KCNA10: variants seen among roughly 807,000 people sequenced by gnomAD.
KCNA10 encodes the protein potassium voltage-gated channel subfamily A member 10, also known as cyclic GMP gated potassium channel.
A neutral mutation model predicts 21.4 loss-of-function variants in KCNA10; 16 were observed. The ratio of observed to expected loss-of-function variants is 0.75; its 90% CI spans 0.51 to 1.14. The LOEUF (loss-of-function observed/expected upper bound fraction) is 1.14, where lower values mean the gene tolerates loss of function less well. Among genes scored for constraint, KCNA10 ranks in the 50% most tolerant of loss-of-function variants. The pLI is 0.00. For missense variants in KCNA10, 677 were observed against 649.1 expected (o/e 1.04, Z -0.47); for synonymous variants, 276 against 245.9 (o/e 1.12, Z -1.15).
Position 110,517,262 on chromosome 1 carries a change from G to T in KCNA10, c.1526C>A (p.Ser509Tyr). The change falls in exon 1 of 1, where the codon TCT becomes TAT. Residue 509 changes from serine (S) to tyrosine (Y), a missense_variant. Transcript: ENST00000369771. Reference sequence around the variant, plus strand: ...GAAGCCCTGGACTGATCATTTCCTAGACTTCTCTGTGGAACAGCCACCATT... The same window carrying T: ...GAAGCCCTGGACTGATCATTTCCTATACTTCTCTGTGGAACAGCCACCATT... ...KTNGGCSTEK[S>Y]RK The T allele has an allele frequency of 6.2e-7, 1 of 1,612,628 alleles. No individual in the cohort carries two copies. Among genetic ancestry groups the T allele is most frequent in the Non-Finnish European group, 8.5e-7 (1 of 1,178,758 alleles).
Position 110,518,213 on chromosome 1 carries a change from A to T in KCNA10, c.575T>A (p.Leu192Gln). The T allele has an allele frequency of 3.7e-6, 6 of 1,613,744 alleles. No homozygotes were observed. Among genetic ancestry groups the T allele is most frequent in the Non-Finnish European group, 5.1e-6 (6 of 1,179,976 alleles). ...ACGGTGGATGTCATTGGTGGGTAGC[A>T]GTGTTTCAGGGTCTTTGATGAAGCC... ...DEGFIKDPET[L>Q]LPTNDIHRQF... is the part of the protein sequence containing the mutation. Residue 192 changes from leucine (L) to glutamine (Q), a missense_variant, in exon 1 of 1, where the codon CTG becomes CAG. By Grantham distance (113) the Leu-to-Gln change is moderately radical. Coordinates refer to ENST00000369771, the MANE Select transcript of KCNA10 (RefSeq NM_005549.2).
chr1:110,518,300 G>C lies in KCNA10; in HGVS notation c.488C>G (p.Ala163Gly). The stretch of plus-strand genomic sequence containing the variant: ...CAGCTCATAGAAGGAGATTTCATCA[G>C]CAAAGATATCAATGGGAACATTGGC... Reference protein sequence around the residue: ...RPANVPIDIFADEISFYELGS... With the variant: ...RPANVPIDIFGDEISFYELGS... Residue 163 changes from alanine to glycine, a missense_variant, in exon 1 of 1, where the codon GCT becomes GGT. Transcript: ENST00000369771. The C allele has an allele frequency of 6.2e-7, 1 of 1,614,220 alleles. No individual in the cohort carries two copies. Among genetic ancestry groups the C allele is most frequent in the African/African-American group, 1.3e-5 (1 of 75,056 alleles).
In KCNA10 at chr1:110,517,977, A is replaced by G; in HGVS notation, c.811T>C (p.Phe271Leu). Residue 271 changes from phenylalanine to leucine, a missense_variant, in exon 1 of 1, where the codon TTC becomes CTC. By Grantham distance (22) the Phe-to-Leu change is conservative (BLOSUM62 0). Transcript: ENST00000369771. ...VLSQTMFTDPFFMVESTCIVW... is the reference protein window; with the variant it reads ...VLSQTMFTDPLFMVESTCIVW... Reference sequence around the variant, plus strand: ...ATGCAGGTAGACTCCACCATGAAGAAAGGGTCGGTGAACATGGTCTGGGAG... The same window carrying G: ...ATGCAGGTAGACTCCACCATGAAGAGAGGGTCGGTGAACATGGTCTGGGAG... 3.1e-6 allele frequency: 5 copies of G among 1,613,864 alleles called. No individual in the cohort carries two copies. Among genetic ancestry groups the G allele is most frequent in the Non-Finnish European group, 4.2e-6 (5 of 1,179,984 alleles).
In KCNA10 at chr1:110,517,767, T is replaced by G; in HGVS notation, c.1021A>C (p.Arg341=). Residue 341 remains arginine (R), a synonymous_variant, in exon 1 of 1, where the codon AGG becomes CGG. Coordinates refer to ENST00000369771, the MANE Select transcript of KCNA10 (RefSeq NM_005549.2). ...AAGACCCTCACCAGGCGGATGATCC[T>G]CAGGATGGCCAGGGACATGTTCTGT... is the stretch of plus-strand genomic sequence containing the variant. The part of the protein sequence containing the change: ...AQQNMSLAIL[R]IIRLVRVFRI... 1 of 1,614,104 alleles carries G rather than the reference T, an allele frequency of 6.2e-7. No individual in the cohort carries two copies. The highest frequency in any genetic ancestry group is 8.5e-7 in the Non-Finnish European group (1 of 1,180,024).
chr1:110,517,826 G>C lies in KCNA10; in HGVS notation c.962C>G (p.Thr321Arg). Residue 321 changes from threonine to arginine, a missense_variant, in exon 1 of 1, where the codon ACA becomes AGA. By Grantham distance (71) the Thr-to-Arg change is moderately conservative. Transcript: ENST00000369771. ...SIIPYFATLI[T>R]ELVQETEPSA... Reference sequence around the variant, plus strand: ...CGGCTCTGTCTCCTGGACTAGCTCTGTGATGAGAGTTGCAAAGTAGGGGAT... The same window carrying C: ...CGGCTCTGTCTCCTGGACTAGCTCTCTGATGAGAGTTGCAAAGTAGGGGAT... The C allele has an allele frequency of 1.2e-6, 2 of 1,614,166 alleles. No homozygotes were observed. Among genetic ancestry groups the C allele is most frequent in the African/African-American group, 2.7e-5 (2 of 75,046 alleles).
rs145189152 is a variant in KCNA10, at chr1:110,518,141, C to A, written c.647G>T (p.Arg216Leu). The A allele has an allele frequency of 1.9e-6, 3 of 1,613,608 alleles. No homozygotes were observed. The highest frequency in any genetic ancestry group is 2.5e-6 in the Non-Finnish European group (3 of 1,179,890). ...FEYPESSSAA[R>L]AVAVVSVLVV... ...CAACACCGAGACCACGGCCACAGCA[C>A]GGGCAGCGCTGGAACTTTCAGGGTA... Residue 216 changes from arginine (R) to leucine (L), a missense_variant, in exon 1 of 1, where the codon CGT becomes CTT. By Grantham distance (102) the Arg-to-Leu change is moderately radical. Transcript: ENST00000369771.
chr1:110,518,839 T>A lies in KCNA10; in HGVS notation c.-52A>T. 1.1e-5 allele frequency: 15 copies of A among 1,368,112 alleles called. No individual in the cohort carries two copies. Among genetic ancestry groups the A allele is most frequent in the Non-Finnish European group, 1.5e-5 (15 of 1,014,348 alleles). The allele number at this position is 1,368,112 out of a possible 1,614,324, so 84.7% of individuals were successfully genotyped here. On this transcript the variant is annotated 5_prime_UTR_variant, in exon 1 of 1. Transcript: ENST00000369771. ...AAGATCCTCAGCCTTCACTGCCTGC[T>A]GTGAGCTATGGAGAAGAAGAAGTTC...
rs1647264501 is a variant in KCNA10, at chr1:110,517,914, C to T, written c.874G>A (p.Val292Ile). 5 of 1,613,802 alleles carry T rather than the reference C, an allele frequency of 3.1e-6. No homozygotes were observed. Among genetic ancestry groups the T allele is most frequent in the South Asian group, 1.1e-5 (1 of 91,066 alleles). ...FTFELVLRFV[V>I]CPSKTDFFRN... ...AAGAAGTCAGTCTTGCTGGGGCAGA[C>T]CACGAACCGGAGCACCAGCTCGAAG... Residue 292 changes from valine (V) to isoleucine (I), a missense_variant, in exon 1 of 1, where the codon GTC becomes ATC. Transcript: ENST00000369771.
In KCNA10 at chr1:110,518,281, A is replaced by G; in HGVS notation, c.507T>C (p.Tyr169=). Residue 169 remains tyrosine, a synonymous_variant, in exon 1 of 1, where the codon TAT becomes TAC. Coordinates refer to ENST00000369771, the MANE Select transcript of KCNA10 (RefSeq NM_005549.2). ...GGTCCATGGCCTCACTACCCAGCTC[A>G]TAGAAGGAGATTTCATCAGCAAAGA... ...IDIFADEISF[Y]ELGSEAMDQF... is the part of the protein sequence containing the mutation. The G allele has an allele frequency of 6.2e-7, 1 of 1,614,210 alleles. No homozygotes were observed. The highest frequency in any genetic ancestry group is 8.5e-7 in the Non-Finnish European group (1 of 1,180,040).
Position 110,517,808 on chromosome 1 carries a change from G to C in KCNA10, c.980C>G (p.Thr327Arg). The C allele has an allele frequency of 6.2e-7, 1 of 1,614,146 alleles. No homozygotes were observed. The highest frequency in any genetic ancestry group is 1.3e-5 in the African/African-American group (1 of 75,026). ...CATGTTCTGTTGGGCACTCGGCTCTGTCTCCTGGACTAGCTCTGTGATGAG... is the reference window on the plus strand; with the variant it reads ...CATGTTCTGTTGGGCACTCGGCTCTCTCTCCTGGACTAGCTCTGTGATGAG... ...ATLITELVQETEPSAQQNMSL... is the reference protein window; with the variant it reads ...ATLITELVQEREPSAQQNMSL... The change falls in exon 1 of 1, where the codon ACA becomes AGA. Residue 327 changes from threonine to arginine, a missense_variant. Physicochemically the swap from Thr to Arg is moderately conservative, Grantham distance 71 (BLOSUM62 -1). Transcript: ENST00000369771.
Position 110,517,894 on chromosome 1 carries a change from G to C in KCNA10, c.894C>G (p.Asp298Glu). 6.2e-7 allele frequency: 1 copy of C among 1,614,070 alleles called. No individual in the cohort carries two copies. The highest frequency in any genetic ancestry group is 8.5e-7 in the Non-Finnish European group (1 of 1,180,022). Reference sequence around the variant, plus strand: ...TGATGTTCATGATGTTCCTGAAGAAGTCAGTCTTGCTGGGGCAGACCACGA... The same window carrying C: ...TGATGTTCATGATGTTCCTGAAGAACTCAGTCTTGCTGGGGCAGACCACGA... ...LRFVVCPSKT[D>E]FFRNIMNIID... The change falls in exon 1 of 1, where the codon GAC (aspartate) becomes GAG (glutamate). Residue 298 changes from aspartate (D) to glutamate (E), a missense_variant. Asp to Glu is a conservative substitution (Grantham distance 45, BLOSUM62 2). Coordinates refer to ENST00000369771, the MANE Select transcript of KCNA10 (RefSeq NM_005549.2).
Position 110,517,677 on chromosome 1 carries a change from A to G in KCNA10, c.1111T>C (p.Ser371Pro), listed in dbSNP as rs1415146665. Residue 371 changes from serine (S) to proline (P), a missense_variant, in exon 1 of 1, where the codon TCC becomes CCC. Ser to Pro is a moderately conservative substitution (Grantham distance 74). Coordinates refer to ENST00000369771, the MANE Select transcript of KCNA10 (RefSeq NM_005549.2). ...ATGAGCAACCCCAACTCCCGCATGG[A>G]CGCCTTCAGTGTTTGCCCGAGGATC... Reference protein sequence around the residue: ...LQILGQTLKASMRELGLLIFF... With the variant: ...LQILGQTLKAPMRELGLLIFF... 3 of 1,614,000 alleles carry G rather than the reference A, an allele frequency of 1.9e-6. No individual in the cohort carries two copies. Among genetic ancestry groups the G allele is most frequent in the Non-Finnish European group, 1.7e-6 (2 of 1,180,028 alleles).
Position 110,517,429 on chromosome 1 carries a change from C to T in KCNA10, c.1359G>A (p.Val453=). The change falls in exon 1 of 1, where the codon GTG becomes GTA. Residue 453 remains valine (V), a synonymous_variant. Coordinates refer to ENST00000369771, the MANE Select transcript of KCNA10 (RefSeq NM_005549.2). ...IAGVLTIALP[V]PVIVSNFNYF... is the part of the protein sequence containing the mutation. ...AATTGAAGTTGGAGACAATGACAGG[C>T]ACAGGGAGGGCAATGGTGAGGACCC... 1 of 1,614,184 alleles carries T rather than the reference C, an allele frequency of 6.2e-7. No individual in the cohort carries two copies. The highest frequency in any genetic ancestry group is 2.2e-5 in the East Asian group (1 of 44,876).
chr1:110,517,948 C>T lies in KCNA10; in HGVS notation c.840G>A (p.Val280=). The part of the protein sequence containing the change: ...PFFMVESTCI[V]WFTFELVLRF... ...GGAGCACCAGCTCGAAGGTGAACCA[C>T]ACGATGCAGGTAGACTCCACCATGA... Residue 280 remains valine (V), a synonymous_variant, in exon 1 of 1, where the codon GTG becomes GTA. Coordinates refer to ENST00000369771, the MANE Select transcript of KCNA10 (RefSeq NM_005549.2). 3 of 1,613,822 alleles carry T rather than the reference C, an allele frequency of 1.9e-6. No homozygotes were observed. Among genetic ancestry groups the T allele is most frequent in the Non-Finnish European group, 2.5e-6 (3 of 1,180,024 alleles).
chr1:110,518,848 T>C lies in KCNA10; in HGVS notation c.-61A>G. 3 of 1,361,022 alleles carry C rather than the reference T, an allele frequency of 2.2e-6. No homozygotes were observed. The highest frequency in any genetic ancestry group is 2.8e-5 in the Admixed American group (1 of 35,766). 84.3% of individuals were successfully genotyped at this position (1,361,022 alleles called of 1,614,324 possible). The stretch of plus-strand genomic sequence containing the variant: ...AGCCTTCACTGCCTGCTGTGAGCTA[T>C]GGAGAAGAAGAAGTTCATTATACAA... On this transcript the variant is annotated 5_prime_UTR_variant, in exon 1 of 1. Coordinates refer to ENST00000369771, the MANE Select transcript of KCNA10 (RefSeq NM_005549.2).
In KCNA10 at chr1:110,518,044, C is replaced by T. The variant is rs1647272099; in HGVS notation, c.744G>A (p.Lys248=). The change falls in exon 1 of 1, where the codon AAG becomes AAA. Residue 248 remains lysine, a synonymous_variant. Coordinates refer to ENST00000369771, the MANE Select transcript of KCNA10 (RefSeq NM_005549.2). ...LPEFREDREL[K]VVRDPNLNMS... ...TGTTGAGATTGGGGTCTCTGACCAC[C>T]TTTAGCTCCCTATCCTCCCGGAACT... The T allele has an allele frequency of 1.9e-6, 3 of 1,613,848 alleles. No individual in the cohort carries two copies. Among genetic ancestry groups the T allele is most frequent in the Non-Finnish European group, 2.5e-6 (3 of 1,179,978 alleles).
At position 110,517,533 on chromosome 1, in the gene KCNA10, T is replaced by C. The variant is rs1286835164; in HGVS notation, c.1255A>G (p.Met419Val). ...ATGTCCCCATAGCCTACAGTTGTCA[T>C]GGTGACCACTGCCCACCAGAAGCCA... is the stretch of plus-strand genomic sequence containing the variant. ...PDGFWWAVVT[M>V]TTVGYGDMCP... is the part of the protein sequence containing the mutation. Residue 419 changes from methionine to valine, a missense_variant, in exon 1 of 1, where the codon ATG becomes GTG. Physicochemically the swap from Met to Val is conservative, Grantham distance 21. Transcript: ENST00000369771. 2 of 1,614,214 alleles carry C rather than the reference T, an allele frequency of 1.2e-6. No homozygotes were observed. Among genetic ancestry groups the C allele is most frequent in the Non-Finnish European group, 8.5e-7 (1 of 1,180,040 alleles).
At position 110,518,581 on chromosome 1, in the gene KCNA10, G is replaced by C. The variant is rs921489394; in HGVS notation, c.207C>G (p.Asp69Glu). 1 of 1,614,158 alleles carries C rather than the reference G, an allele frequency of 6.2e-7. No homozygotes were observed. Among genetic ancestry groups the C allele is most frequent in the Non-Finnish European group, 8.5e-7 (1 of 1,180,026 alleles). Residue 69 changes from aspartate to glutamate, a missense_variant, in exon 1 of 1, where the codon GAC becomes GAG. Physicochemically the swap from Asp to Glu is conservative, Grantham distance 45 (BLOSUM62 2). Transcript: ENST00000369771. Reference sequence around the variant, plus strand: ...GCTCAGGCCCTGGGGGGTCAGCATAGTCTCCCGGAAGCTTGGAGAAGGCCG... The same window carrying C: ...GCTCAGGCCCTGGGGGGTCAGCATACTCTCCCGGAAGCTTGGAGAAGGCCG... ...HETAFSKLPG[D>E]YADPPGPEPV...
At position 110,517,601 on chromosome 1, in the gene KCNA10, G is replaced by A. The variant is rs1310570083; in HGVS notation, c.1187C>T (p.Ala396Val). The A allele has an allele frequency of 2.5e-6, 4 of 1,614,192 alleles. No individual in the cohort carries two copies. The highest frequency in any genetic ancestry group is 2.2e-5 in the South Asian group (2 of 91,078). Residue 396 changes from alanine to valine, a missense_variant, in exon 1 of 1, where the codon GCT becomes GTT. Physicochemically the swap from Ala to Val is moderately conservative, Grantham distance 64 (BLOSUM62 0). Transcript: ENST00000369771. ...VILFSSAVYF[A>V]EVDEPESHFS... ...ATGGGACTCTGGCTCATCCACCTCA[G>A]CAAAGTAGACTGCACTGGAGAAGAG...
Sources: gnomAD v4.1 joint callset for allele counts on GRCh38, gnomAD v4.1.1 for gene constraint, MANE v1.5 for transcripts, NCBI Gene and HGNC (gene_info 2026-07-23, HGNC 2026-07-21) for gene names.